CRPPA: variants seen among roughly 807,000 people sequenced by gnomAD.
CRPPA encodes CDP-L-ribitol pyrophosphorylase A, also known as D-ribitol-5-phosphate cytidylyltransferase.
In CRPPA, 43 loss-of-function variants were observed where a neutral mutation model predicts 52.0. The ratio of observed to expected loss-of-function variants is 0.83; its 90% CI spans 0.65 to 1.07. CRPPA has a LOEUF of 1.07. Among genes scored for constraint, CRPPA ranks in the 50% least tolerant of loss-of-function variants. The probability of loss-of-function intolerance (pLI) is 0.00; values close to 1 mark genes in which losing one functional copy is unlikely to be tolerated. For missense variants in CRPPA, 629 were observed against 551.7 expected (o/e 1.14, Z -1.40); for synonymous variants, 250 against 203.5 (o/e 1.23, Z -1.94).
intron 3 of CRPPA, among the ~76,000 whole-genome samples, chr7:16,349,911 G>C (rs780617553): frequency 6.6e-6 from 1 of 151,922 alleles, no homozygotes; most frequent in Non-Finnish European, 1.5e-5. Flanking sequence ...AAATCCAAGA[G>C]ACACTAAATA....
At chr7:16,271,948 A>G (rs1784099774) in intron 6 of CRPPA, among the ~76,000 whole-genome samples, 1 of 152,204 alleles carries the variant, frequency 6.6e-6, no homozygotes, top group Admixed American at 6.5e-5. Context: ...TTAGGAATAA[A>G]AGACTAATCA....
chr7:16,400,634 T>A (rs1787790355), intron 2 of CRPPA, among the ~76,000 whole-genome samples: 1 of 151,964 alleles, frequency 6.6e-6, no homozygotes, highest in Admixed American at 6.5e-5. Flanking sequence ...TGTGATCGAG[T>A]CATTTTTGAC....
chr7:16,383,625 C>T (rs1255709607), intron 2 of CRPPA, among the ~76,000 whole-genome samples: 2 of 152,234 alleles, frequency 1.3e-5, no homozygotes, highest in South Asian at 2.1e-4. Context: ...AGGCAGGCCT[C>T]CTTGAGCTGT....
chr7:16,377,413 A>G (rs1402258568), intron 2 of CRPPA, among the ~76,000 whole-genome samples: 1 of 152,234 alleles, frequency 6.6e-6, no homozygotes, highest in Non-Finnish European at 1.5e-5. Flanking sequence ...TGCTTTAAGA[A>G]AAAAGATTCC....
intron 3 of CRPPA, among the ~76,000 whole-genome samples, chr7:16,350,684 G>C (rs942545521): frequency 2.0e-5 from 3 of 152,108 alleles, no homozygotes; most frequent in African/African-American, 7.2e-5. Context: ...AAGCAAGCAA[G>C]AGAGAAAGGA....
At position 16,229,751 on chromosome 7, in the gene CRPPA, A is replaced by G. The variant is rs558084265; in HGVS notation, c.1120-13554T>C. Among the ~76,000 whole-genome samples the G allele has an allele frequency of 2.9e-3, 446 of 152,154 alleles. 3 individuals are homozygous for G. Among genetic ancestry groups the G allele is most frequent in the African/African-American group, 0.01 (427 of 41,530 alleles). ...AAGTTTTATATTTTCAAATGTTTTC[A>G]TATTATTCATTAGTGTTGTGCTTTT... On this transcript the variant is annotated intron_variant, in intron 8 of 9. Transcript: ENST00000407010.
intron 9 of CRPPA, among the ~76,000 whole-genome samples, chr7:16,104,820 A>C (rs2128365172): frequency 6.6e-6 from 1 of 152,154 alleles, no homozygotes; most frequent in South Asian, 2.1e-4. Context: ...GAATTGCTTG[A>C]ACCTGGGAGG....
chr7:16,311,073 G>T (rs1003376126), intron 3 of CRPPA, among the ~76,000 whole-genome samples: 17 of 152,002 alleles, frequency 1.1e-4, no homozygotes, highest in African/African-American at 3.9e-4. Flanking sequence ...AAAAGGCAAA[G>T]ATTTCCATAT....
intron 3 of CRPPA, among the ~76,000 whole-genome samples, chr7:16,314,008 T>A (rs1418354562): frequency 5.3e-5 from 8 of 152,010 alleles, no homozygotes; most frequent in African/African-American, 1.9e-4. Flanking sequence ...AGATGTCAAT[T>A]TTACTCAGTT....
intron 9 of CRPPA, among the ~76,000 whole-genome samples, chr7:16,116,198 GAC>G (rs1256243655): frequency 6.6e-6 from 1 of 152,154 alleles, no homozygotes; most frequent in Non-Finnish European, 1.5e-5. Context: ...TCAGCAGTGA[GAC>G]AGATATCATG....
chr7:16,355,242 A>G (rs1786264354), intron 3 of CRPPA, among the ~76,000 whole-genome samples: 2 of 152,212 alleles, frequency 1.3e-5, no homozygotes, highest in African/African-American at 4.8e-5. Flanking sequence ...TCACTTACCA[A>G]TCACTATTGC....
At chr7:16,125,718 G>C (rs531272598) in intron 9 of CRPPA, among the ~76,000 whole-genome samples, 26 of 152,124 alleles carry the variant, frequency 1.7e-4, no homozygotes, top group South Asian at 1.7e-3. Flanking sequence ...TGGGTGATGA[G>C]TTCAAAATTT....
At chr7:16,120,525 T>A (rs2128369651) in intron 9 of CRPPA, among the ~76,000 whole-genome samples, 1 of 152,324 alleles carries the variant, frequency 6.6e-6, no homozygotes, top group African/African-American at 2.4e-5. Context: ...ATCAAATTTA[T>A]GAGGATTTTG....
chr7:16,141,404 A>G (rs1288385986), intron 9 of CRPPA, among the ~76,000 whole-genome samples: 1 of 152,234 alleles, frequency 6.6e-6, no homozygotes, highest in Non-Finnish European at 1.5e-5. Flanking sequence ...TCTGTAATTT[A>G]TGCAAATAAA....
At chr7:16,091,856 G>T in intron 9 of CRPPA, 57 bp from the exon 10 acceptor site, 1 of 1,079,748 alleles carries the variant, frequency 9.3e-7, no homozygotes, top group Non-Finnish European at 1.3e-6. Context: ...CATGTGTTAA[G>T]TTTGATAAAA....
At position 16,307,915 on chromosome 7, in the gene CRPPA, G is replaced by GA. The variant is rs34460874; in HGVS notation, c.789+607dup. 1.7e-3 allele frequency among the ~76,000 whole-genome samples: 225 copies of GA among 131,246 alleles called. 2 individuals carry two copies. The highest frequency in any genetic ancestry group is 8.1e-3 in the Middle Eastern group (2 of 248). 86.1% of individuals were successfully genotyped at this position (131,246 alleles called of 152,430 possible). The stretch of plus-strand genomic sequence containing the variant: ...TGTAGCTTTAATCAAACTGAGTGAA[G>GA]AAAAAAAAAAAAAAAAAAGGCTATT... On this transcript the variant is annotated intron_variant, in intron 4 of 9. Transcript: ENST00000407010.
Position 16,089,485 on chromosome 7 carries a change from G to A in CRPPA, c.*2210C>T, listed in dbSNP as rs745782325. The A allele has an allele frequency of 4.0e-5, 12 of 300,980 alleles. No individual in the cohort carries two copies. The highest frequency in any genetic ancestry group is 9.2e-5 in the Admixed American group (3 of 32,644). 18.6% of individuals were successfully genotyped at this position (300,980 alleles called of 1,614,324 possible). A position where few individuals can be genotyped will look rare whatever the true frequency, so the allele number is the denominator to read the frequency against. ...TGTATATATGTACGTACATATATAC[G>A]GGTATATATGTACGTACATACATAG... On this transcript the variant is annotated 3_prime_UTR_variant, in exon 10 of 10. Transcript: ENST00000407010.
chr7:16,189,607 G>A (rs146923769), intron 9 of CRPPA, among the ~76,000 whole-genome samples: 1 of 152,240 alleles, frequency 6.6e-6, no homozygotes, highest in African/African-American at 2.4e-5. Flanking sequence ...TACCACACAG[G>A]TTACATTAAA....
chr7:16,419,026 T>G (rs1788262204), intron 1 of CRPPA, among the ~76,000 whole-genome samples: 1 of 152,224 alleles, frequency 6.6e-6, no homozygotes. Context: ...ATATATGAGC[T>G]ATGTTGTCAC....
Sources: gnomAD v4.1 joint callset for allele counts (sites outside exome capture counted in the v4.1 genomes callset) on GRCh38, gnomAD v4.1.1 for gene constraint, MANE v1.5 for transcripts, NCBI Gene and HGNC (gene_info 2026-07-23, HGNC 2026-07-21) for gene names.